The following LSAMP variants were observed in gnomAD, a reference collection of about 807,000 sequenced individuals.
The protein encoded by LSAMP is limbic system associated membrane protein.
In LSAMP, 7 loss-of-function variants were observed where a neutral mutation model predicts 38.6. The ratio of observed to expected loss-of-function variants is 0.18; its 90% CI spans 0.10 to 0.34. The LOEUF (loss-of-function observed/expected upper bound fraction) is 0.34. Among genes scored for constraint, LSAMP ranks in the 10% least tolerant of loss-of-function variants. LSAMP has a pLI of 1.00. For missense variants in LSAMP, 313 were observed against 420.0 expected, an observed-to-expected ratio of 0.75 and a Z score of 2.23; for synonymous variants, 154 against 166.8, an observed-to-expected ratio of 0.92 and a Z score of 0.59.
intron 1 of LSAMP, among the ~76,000 whole-genome samples, chr3:116,211,691 A>G (rs1219803882): frequency 6.6e-6 from 1 of 152,196 alleles, no homozygotes; most frequent in Non-Finnish European, 1.5e-5. Context: ...CATGTATGTG[A>G]GTGAACTCTT....
intron 3 of LSAMP, among the ~76,000 whole-genome samples, chr3:116,002,475 G>C (rs974691219): frequency 6.6e-6 from 1 of 152,134 alleles, no homozygotes; most frequent in Non-Finnish European, 1.5e-5. Context: ...GCGCAGTTTT[G>C]GTTGTCTTCC....
chr3:115,950,700 A>G (rs1938253837), intron 3 of LSAMP, among the ~76,000 whole-genome samples: 1 of 151,208 alleles, frequency 6.6e-6, no homozygotes. Context: ...TGCAATTCCT[A>G]TCAAAATACC....
chr3:115,972,344 G>C (rs888518801), intron 3 of LSAMP, among the ~76,000 whole-genome samples: 1 of 151,890 alleles, frequency 6.6e-6, no homozygotes, highest in Non-Finnish European at 1.5e-5. Flanking sequence ...CAAATTAATA[G>C]AACTGTACAC....
At chr3:116,182,290 T>G (rs1461134) in intron 1 of LSAMP, among the ~76,000 whole-genome samples, 128,177 of 151,514 alleles carry the variant, frequency 0.85, 54,376 homozygotes, top group South Asian at 0.91. Context: ...TTTTCTACAG[T>G]AAAATAGATA....
intron 3 of LSAMP, among the ~76,000 whole-genome samples, chr3:115,942,346 C>T (rs1016121542): frequency 2.6e-5 from 4 of 152,120 alleles, no homozygotes; most frequent in Non-Finnish European, 4.4e-5. Context: ...TTTCTCATCA[C>T]CAACGGTCAT....
chr3:116,164,735 TATATATCC>T (rs1414079296), intron 1 of LSAMP, among the ~76,000 whole-genome samples: 57 of 84,436 alleles, frequency 6.8e-4, no homozygotes, highest in African/African-American at 2.5e-3. Context: ...TCCAAATATA[TATATATCC>T]ATATATATAT....
At chr3:116,192,768 G>A (rs1427290385) in intron 1 of LSAMP, among the ~76,000 whole-genome samples, 1 of 152,094 alleles carries the variant, frequency 6.6e-6, no homozygotes, top group African/African-American at 2.4e-5. Flanking sequence ...TGTTTCCAGT[G>A]GTTTTTCTTT....
At chr3:116,347,968 G>T (rs974705687) in intron 1 of LSAMP, among the ~76,000 whole-genome samples, 2 of 151,750 alleles carry the variant, frequency 1.3e-5, no homozygotes, top group African/African-American at 4.8e-5. Flanking sequence ...AAGCATCAAT[G>T]TGGGAAAAAT....
rs115720539 is a variant in LSAMP, at chr3:116,399,579, C to A, written c.155+45298G>T. Among the ~76,000 whole-genome samples, 940 of 152,276 alleles carry A rather than the reference C, an allele frequency of 6.2e-3. 9 individuals are homozygous for A. Among genetic ancestry groups the A allele is most frequent in the African/African-American group, 0.021 (892 of 41,540 alleles). ...AAAAGTGGGCAATATAGAGAAATTT[C>A]TGTTGACTGATGGGATCACAGAGGT... is the stretch of plus-strand genomic sequence containing the variant. On this transcript the variant is annotated intron_variant, in intron 1 of 6. Transcript: ENST00000490035.
chr3:116,230,955 T>C (rs895194615), intron 1 of LSAMP, among the ~76,000 whole-genome samples: 7 of 151,802 alleles, frequency 4.6e-5, no homozygotes, highest in Non-Finnish European at 7.4e-5. Flanking sequence ...ACTGAGGAGG[T>C]TGGGCTTTAA....
chr3:115,988,831 G>A (rs934934131), intron 3 of LSAMP, among the ~76,000 whole-genome samples: 5 of 151,928 alleles, frequency 3.3e-5, no homozygotes, highest in South Asian at 2.1e-4. Context: ...AGATGTCATC[G>A]CTTATTTTCA....
intron 6 of LSAMP, 44 bp from the exon 7 acceptor site, chr3:115,810,458 G>T: frequency 7.6e-7 from 1 of 1,317,138 alleles, no homozygotes; most frequent in East Asian, 2.3e-5. Flanking sequence ...TGAGTTACAT[G>T]GGCCCACTGT....
chr3:116,020,171 C>A lies in LSAMP; in HGVS notation c.389-531G>T, dbSNP rs542153172. ...ATGGATTAATCACCACAATAGAAAG[C>A]ATTTAAATATCATCTTTGTGTATAA... On this transcript the variant is annotated intron_variant, in intron 2 of 6. Coordinates refer to ENST00000490035, the MANE Select transcript of LSAMP (RefSeq NM_002338.5). Among the ~76,000 whole-genome samples the A allele has an allele frequency of 2.0e-5, 3 of 152,198 alleles. No individual in the cohort carries two copies. In the East Asian group the frequency reaches 5.8e-4, roughly 29 times the overall value.
rs972887464 is a variant in LSAMP, at chr3:116,304,577, T to A, written c.155+140300A>T. Among the ~76,000 whole-genome samples, 17 of 152,254 alleles carry A rather than the reference T, an allele frequency of 1.1e-4. No homozygotes were observed. The East Asian group carries it at 2.1e-3, about 19-fold the overall frequency. Reference sequence around the variant, plus strand: ...GGGAAGCGTGGGTCAGGATGACACATGTATTCATCCCAAATGAAGACAAAA... The same window carrying A: ...GGGAAGCGTGGGTCAGGATGACACAAGTATTCATCCCAAATGAAGACAAAA... On this transcript the variant is annotated intron_variant, in intron 1 of 6. Transcript: ENST00000490035.
intron 1 of LSAMP, among the ~76,000 whole-genome samples, chr3:116,385,588 G>T (rs988762005): frequency 6.6e-6 from 1 of 152,088 alleles, no homozygotes; most frequent in African/African-American, 2.4e-5. Context: ...ATGCATCTTT[G>T]CAAATTTAAG....
At chr3:116,331,282 T>C (rs2047849103) in intron 1 of LSAMP, among the ~76,000 whole-genome samples, 2 of 152,178 alleles carry the variant, frequency 1.3e-5, no homozygotes, top group African/African-American at 4.8e-5. Flanking sequence ...GTGAACCATC[T>C]ACACATTATG....
intron 1 of LSAMP, among the ~76,000 whole-genome samples, chr3:116,217,024 T>G (rs1576439411): frequency 6.6e-6 from 1 of 152,182 alleles, no homozygotes; most frequent in Non-Finnish European, 1.5e-5. Context: ...TTTCTTGACA[T>G]TGGAAATATC....
chr3:115,845,894 C>T (rs1248958264), intron 4 of LSAMP, among the ~76,000 whole-genome samples: 1 of 152,214 alleles, frequency 6.6e-6, no homozygotes, highest in African/African-American at 2.4e-5. Context: ...TAGTCAGTTA[C>T]AAAGACCAAC....
Position 115,882,467 on chromosome 3 carries a change from C to G in LSAMP, c.515-29850G>C, listed in dbSNP as rs60864142. Reference sequence around the variant, plus strand: ...TAACTGCTGAATAATAAGTGGTTTTCTTGATTCACAATTTCCAATTTCTCT... The same window carrying G: ...TAACTGCTGAATAATAAGTGGTTTTGTTGATTCACAATTTCCAATTTCTCT... On this transcript the variant is annotated intron_variant, in intron 3 of 6. Transcript: ENST00000490035. Among the ~76,000 whole-genome samples the G allele has an allele frequency of 2.0e-3, 304 of 152,104 alleles. 3 individuals are homozygous for G. The highest frequency in any genetic ancestry group is 7.0e-3 in the African/African-American group (291 of 41,518).
Sources: gnomAD v4.1 joint callset for allele counts (sites outside exome capture counted in the v4.1 genomes callset) on GRCh38, gnomAD v4.1.1 for gene constraint, MANE v1.5 for transcripts, NCBI Gene and HGNC (gene_info 2026-07-23, HGNC 2026-07-21) for gene names.